LCA5L: variants seen among roughly 807,000 people sequenced by gnomAD.
LCA5L encodes lebercilin LCA5 like, also known as lebercilin-like protein.
Under a neutral mutation model 45.4 loss-of-function variants are expected in LCA5L, and 35 were observed. That is an observed-to-expected ratio of 0.77 (90% CI 0.59 to 1.02). LCA5L has a LOEUF of 1.02. Ranked by LOEUF, LCA5L falls within the 50% of genes least tolerant of loss-of-function variation. The pLI, the probability that LCA5L is intolerant of heterozygous loss-of-function variation, is 0.00. For missense variants in LCA5L, 668 were observed against 761.6 expected, an observed-to-expected ratio of 0.88 and a Z score of 1.45; for synonymous variants, 233 against 264.7, an observed-to-expected ratio of 0.88 and a Z score of 1.16.
At chr21:39,426,924 T>C (rs932071412) in intron 5 of LCA5L, among the ~76,000 whole-genome samples, 12 of 152,210 alleles carry the variant, frequency 7.9e-5, no homozygotes, top group Admixed American at 2.0e-4. Context: ...CAGGGCCGTC[T>C]AGAAAAGTTT....
chr21:39,444,526 AACTT>A (rs1340732652), intron 1 of LCA5L: 1 of 152,172 alleles, frequency 6.6e-6, no homozygotes, highest in African/African-American at 2.4e-5. Flanking sequence ...TCCTTTAAAA[AACTT>A]ACTCATACGA....
chr21:39,417,087 C>T (rs921824468), intron 7 of LCA5L, among the ~76,000 whole-genome samples: 5 of 152,224 alleles, frequency 3.3e-5, no homozygotes, highest in African/African-American at 1.2e-4. Context: ...GGCTGGAGTG[C>T]AATGGCACGA....
Position 39,432,674 on chromosome 21 carries a change from C to T in LCA5L, c.-92+2746G>A, listed in dbSNP as rs370137314. 2.0e-4 allele frequency among the ~76,000 whole-genome samples: 31 copies of T among 152,258 alleles called. No homozygotes were observed. The East Asian group carries it at 3.9e-3, about 19-fold the overall frequency. The stretch of plus-strand genomic sequence containing the variant: ...TTGTAATTCCTCTCATCCTTCCCTG[C>T]GCCTCACTCCCAACCCAGGCAAACC... On this transcript the variant is annotated intron_variant, in intron 3 of 10. Coordinates refer to ENST00000288350, the MANE Select transcript of LCA5L (RefSeq NM_152505.4).
intron 3 of LCA5L, among the ~76,000 whole-genome samples, chr21:39,432,540 G>T (rs1473685086): frequency 2.0e-5 from 3 of 152,064 alleles, no homozygotes; most frequent in Non-Finnish European, 2.9e-5. Flanking sequence ...AAGAAAATTA[G>T]TAAGAGTACC....
Position 39,423,019 on chromosome 21 carries a change from G to C in LCA5L, c.794C>G (p.Ser265Cys), listed in dbSNP as rs143415723. 5.1e-3 allele frequency: 8,219 copies of C among 1,613,962 alleles called. 34 individuals are homozygous for C. Among genetic ancestry groups the C allele is most frequent in the Middle Eastern group, 0.017 (106 of 6,062 alleles). The change falls in exon 6 of 11, where the codon TCT (serine) becomes TGT (cysteine). Residue 265 changes from serine (S) to cysteine (C), a missense_variant. Physicochemically the swap from Ser to Cys is moderately radical, Grantham distance 112. Transcript: ENST00000288350. ...TGCGTCCATTTTTGTTGTGATAATAGATAATTTATGAGTGAGTTCTTCCCT... is the reference window on the plus strand; with the variant it reads ...TGCGTCCATTTTTGTTGTGATAATACATAATTTATGAGTGAGTTCTTCCCT... Reference protein sequence around the residue: ...AEREELTHKLSIITTKMDAND... With the variant: ...AEREELTHKLCIITTKMDAND...
At chr21:39,433,330 A>T (rs2075938145) in intron 3 of LCA5L, among the ~76,000 whole-genome samples, 2 of 148,636 alleles carry the variant, frequency 1.3e-5, no homozygotes, top group African/African-American at 5.0e-5. Context: ...AGGCAGGAGA[A>T]TTGCTTGAAC....
At chr21:39,440,140 G>A (rs1239468946) in intron 2 of LCA5L, among the ~76,000 whole-genome samples, 1 of 152,214 alleles carries the variant, frequency 6.6e-6, no homozygotes, top group Non-Finnish European at 1.5e-5. Flanking sequence ...TAGAATCAAC[G>A]ACACCCCAGA....
chr21:39,421,340 G>A (rs770684216), intron 6 of LCA5L, among the ~76,000 whole-genome samples: 8 of 152,020 alleles, frequency 5.3e-5, no homozygotes, highest in Non-Finnish European at 8.8e-5. Context: ...GGCCCACCTC[G>A]GCCTCCCAAA....
intron 4 of LCA5L, 66 bp downstream of exon 4, chr21:39,429,065 A>C (rs2075361392): frequency 6.6e-6 from 1 of 152,212 alleles, no homozygotes; most frequent in African/African-American, 2.4e-5. Flanking sequence ...ATGGTTCTGC[A>C]TTTCTTTATT....
intron 5 of LCA5L, among the ~76,000 whole-genome samples, chr21:39,426,537 C>T (rs1221573927): frequency 1.3e-5 from 2 of 152,184 alleles, no homozygotes; most frequent in Non-Finnish European, 2.9e-5. Context: ...GTATTTTCCA[C>T]AGTTCTCTCA....
intron 2 of LCA5L, among the ~76,000 whole-genome samples, chr21:39,442,802 G>A (rs1029442427): frequency 2.0e-5 from 3 of 152,158 alleles, no homozygotes; most frequent in African/African-American, 7.2e-5. Flanking sequence ...GAGTCTAGCT[G>A]AGAAAGGGTC....
intron 1 of LCA5L, 122 bp from the exon 2 acceptor site, chr21:39,444,323 GTTCCAGGGGCACTGTCA>G (rs1192108189): frequency 6.6e-5 from 10 of 152,298 alleles, no homozygotes; most frequent in African/African-American, 2.4e-4. Flanking sequence ...CCATAGTTCT[GTTCCAGGGGCACTGTCA>G]TATTTATACC....
intron 5 of LCA5L, among the ~76,000 whole-genome samples, chr21:39,427,518 C>T (rs1241638642): frequency 9.2e-5 from 14 of 151,886 alleles, no homozygotes; most frequent in African/African-American, 2.7e-4. Flanking sequence ...AAAAATTAGC[C>T]GGGCGTGGTG....
chr21:39,420,129 G>A (rs1351077591), intron 7 of LCA5L, among the ~76,000 whole-genome samples: 4 of 152,154 alleles, frequency 2.6e-5, no homozygotes, highest in Non-Finnish European at 5.9e-5. Flanking sequence ...TCTAATGACA[G>A]TACACATTCG....
intron 7 of LCA5L, 43 bp downstream of exon 7, chr21:39,420,663 G>A: frequency 6.5e-7 from 1 of 1,549,792 alleles, no homozygotes. Context: ...ATATATTTCG[G>A]GAAACAGGAT....
intron 8 of LCA5L, among the ~76,000 whole-genome samples, chr21:39,410,665 G>C (rs1409586849): frequency 6.6e-6 from 1 of 152,148 alleles, no homozygotes; most frequent in Non-Finnish European, 1.5e-5. Context: ...AGGTAGACGT[G>C]TAATTGTGAG....
chr21:39,437,921 A>G (rs4816627), intron 2 of LCA5L, among the ~76,000 whole-genome samples: 2,539 of 152,336 alleles, frequency 0.017, 144 homozygotes, highest in Admixed American at 0.11. Context: ...TTATATCAAA[A>G]GGACACAGAT....
At chr21:39,436,471 A>G (rs1448571416) in intron 2 of LCA5L, among the ~76,000 whole-genome samples, 1 of 152,144 alleles carries the variant, frequency 6.6e-6, no homozygotes, top group Non-Finnish European at 1.5e-5. Context: ...AAATTATTCT[A>G]TGGGTAGGTA....
rs1230437199 is a variant in LCA5L, at chr21:39,410,167, A to T, written c.1165-71T>A. The stretch of plus-strand genomic sequence containing the variant: ...TAACTTAAAATTGCATTTTATTCTA[A>T]TGACTACAAATACTTTTCACATAGA... On this transcript the variant is annotated intron_variant, in intron 9 of 10. Transcript: ENST00000288350. 2.4e-6 allele frequency: 3 copies of T among 1,258,486 alleles called. No homozygotes were observed. In the African/African-American group the frequency reaches 4.5e-5, roughly 19 times the overall value. The allele number at this position is 1,258,486 out of a possible 1,614,324, so 78.0% of individuals were successfully genotyped here. A position where few individuals can be genotyped will look rare whatever the true frequency, so the allele number is the denominator to read the frequency against.
Sources: allele counts gnomAD v4.1 joint callset (sites outside exome capture counted in the v4.1 genomes callset), GRCh38; gene constraint gnomAD v4.1.1; transcripts MANE v1.5; gene names NCBI Gene and HGNC (gene_info 2026-07-23, HGNC 2026-07-21).